The following MCM9 variants were observed in gnomAD, a reference collection of about 807,000 sequenced individuals.
The protein encoded by MCM9 is minichromosome maintenance 9 homologous recombination repair factor.
Under a neutral mutation model 72.8 loss-of-function variants are expected in MCM9, and 55 were observed. That is an observed-to-expected ratio of 0.76 (90% CI 0.61 to 0.95). The LOEUF (loss-of-function observed/expected upper bound fraction) is 0.95, where lower values mean the gene tolerates loss of function less well. Among genes scored for constraint, MCM9 ranks in the 40% least tolerant of loss-of-function variants. The pLI, the probability that MCM9 is intolerant of heterozygous loss-of-function variation, is 0.00. For synonymous variants in MCM9, 480 were observed against 503.4 expected (o/e 0.95, Z 0.62); for missense variants, 1,279 against 1,377.0 (o/e 0.93, Z 1.13).
At chr6:118,924,525 A>G (rs1781715668) in intron 3 of MCM9, among the ~76,000 whole-genome samples, 1 of 152,238 alleles carries the variant, frequency 6.6e-6, no homozygotes, top group Admixed American at 6.5e-5. Context: ...ACTGATGATT[A>G]TTTTAGTAAA....
chr6:118,856,643 C>A, intron 8 of MCM9, 98 bp from the exon 9 acceptor site: 1 of 1,291,528 alleles, frequency 7.7e-7, no homozygotes, highest in East Asian at 2.5e-5. Flanking sequence ...GTTTAGGAGG[C>A]TGAGGTGAGA....
intron 9 of MCM9, among the ~76,000 whole-genome samples, chr6:118,831,947 A>G (rs1774591022): frequency 6.6e-6 from 1 of 152,232 alleles, no homozygotes; most frequent in African/African-American, 2.4e-5. Context: ...CCAAGGTTAC[A>G]CTGAGAGGAG....
Position 118,854,334 on chromosome 6 carries a change from T to C in MCM9, c.1325+2037A>G, listed in dbSNP as rs149665261. Among the ~76,000 whole-genome samples the C allele has an allele frequency of 3.9e-3, 594 of 152,280 alleles. 7 individuals carry two copies. The highest frequency in any genetic ancestry group is 0.013 in the African/African-American group (548 of 41,558). On this transcript the variant is annotated intron_variant, in intron 9 of 13. Coordinates refer to ENST00000619706, the MANE Select transcript of MCM9 (RefSeq NM_017696.3). ...AAACACTGTCTTTCACCATGAAGTATGAGACGCAGGTGTTTTTTGTTGTTG... is the reference window on the plus strand; with the variant it reads ...AAACACTGTCTTTCACCATGAAGTACGAGACGCAGGTGTTTTTTGTTGTTG...
At chr6:118,927,686 T>A (rs1315449466) in intron 3 of MCM9, among the ~76,000 whole-genome samples, 1 of 152,156 alleles carries the variant, frequency 6.6e-6, no homozygotes, top group East Asian at 1.9e-4. Context: ...AAGTCTTACA[T>A]AATATAAACT....
chr6:118,895,159 A>G (rs918569665), intron 8 of MCM9, among the ~76,000 whole-genome samples: 12 of 151,880 alleles, frequency 7.9e-5, no homozygotes, highest in Non-Finnish European at 1.3e-4. Flanking sequence ...TTCCTCGACC[A>G]ACCAGCGGGG....
At chr6:118,871,054 C>A (rs746307486) in intron 8 of MCM9, among the ~76,000 whole-genome samples, 1 of 152,148 alleles carries the variant, frequency 6.6e-6, no homozygotes, top group Non-Finnish European at 1.5e-5. Flanking sequence ...TCCTACTCAA[C>A]TCTTCCAAAA....
At chr6:118,829,623 G>T (rs1358459098) in intron 9 of MCM9, among the ~76,000 whole-genome samples, 1 of 152,296 alleles carries the variant, frequency 6.6e-6, no homozygotes, top group African/African-American at 2.4e-5. Flanking sequence ...GTTCCCAGGG[G>T]AAATAGGGAT....
chr6:118,905,641 A>G, intron 8 of MCM9: 1 of 1,580,390 alleles, frequency 6.3e-7, no homozygotes, highest in Non-Finnish European at 8.6e-7. Context: ...TTTCTTTTTA[A>G]TTTATTCTAG....
At chr6:118,838,729 TTTTC>T (rs1562405093) in intron 9 of MCM9, among the ~76,000 whole-genome samples, 2 of 152,244 alleles carry the variant, frequency 1.3e-5, no homozygotes, top group African/African-American at 2.4e-5. Flanking sequence ...CCGAAAATTC[TTTTC>T]TTTAAGAATG....
intron 2 of MCM9, 82 bp from the exon 3 acceptor site, chr6:118,931,820 T>C: frequency 9.4e-7 from 1 of 1,059,046 alleles, no homozygotes; most frequent in East Asian, 2.6e-5. Flanking sequence ...TGGTTATAAA[T>C]CACACTGGCT....
chr6:118,828,976 C>T, intron 10 of MCM9, 72 bp downstream of exon 10: 1 of 1,431,584 alleles, frequency 7.0e-7, no homozygotes. Context: ...ATTTAATTTT[C>T]TTGAAAGGGA....
chr6:118,829,455 C>T (rs1774384170), intron 9 of MCM9, among the ~76,000 whole-genome samples: 1 of 152,134 alleles, frequency 6.6e-6, no homozygotes, highest in East Asian at 1.9e-4. Context: ...GAGAAGTAAC[C>T]GTTCAATAAA....
rs978685514 is a variant in MCM9 at position 118,827,909 on chromosome 6, T to A, written c.1732+18A>T. On this transcript the variant is annotated intron_variant, in intron 11 of 13. Coordinates refer to ENST00000619706, the MANE Select transcript of MCM9 (RefSeq NM_017696.3). ...ACGCAGCATTCAATACAAGCATCAT[T>A]CGCTGAATGAAATAGACCTTCTGCT... 6.5e-6 allele frequency: 10 copies of A among 1,550,018 alleles called. No homozygotes were observed. In the African/African-American group the frequency reaches 1.4e-4, roughly 21 times the overall value.
chr6:118,826,871 A>C lies in MCM9; in HGVS notation c.1733-7T>G. On this transcript the variant is annotated splice_polypyrimidine_tract_variant and splice_region_variant and intron_variant, in intron 11 of 13. Coordinates refer to ENST00000619706, the MANE Select transcript of MCM9 (RefSeq NM_017696.3). ...AACATCAGGCGAGCATGAGCTAAGA[A>C]AACAAAACACATTTGTTTTTTAGGA... 2 of 1,547,504 alleles carry C rather than the reference A, an allele frequency of 1.3e-6. No homozygotes were observed. Among genetic ancestry groups the C allele is most frequent in the Non-Finnish European group, 1.7e-6 (2 of 1,145,712 alleles).
At chr6:118,913,553 C>G in intron 6 of MCM9, 133 bp from the exon 7 acceptor site, 1 of 1,105,896 alleles carries the variant, frequency 9.0e-7, no homozygotes, top group Non-Finnish European at 1.3e-6. Flanking sequence ...AGGTCCAATT[C>G]CAAATGACCA....
At chr6:118,858,135 C>A (rs1344004092) in intron 8 of MCM9, among the ~76,000 whole-genome samples, 1 of 152,060 alleles carries the variant, frequency 6.6e-6, no homozygotes, top group East Asian at 1.9e-4. Flanking sequence ...TGAATCAAAT[C>A]CAACAATACA....
In MCM9 at chr6:118,911,676, G is replaced by A. The variant is rs1780560887; in HGVS notation, c.1124C>T (p.Thr375Ile). The A allele has an allele frequency of 6.2e-7, 1 of 1,612,940 alleles. No homozygotes were observed. Among genetic ancestry groups the A allele is most frequent in the African/African-American group, 1.3e-5 (1 of 74,838 alleles). The change falls in exon 8 of 14, where the codon ACC (threonine) becomes ATC (isoleucine). Residue 375 changes from threonine to isoleucine, a missense_variant. Transcript: ENST00000619706. ...AAKITPRSVL[T>I]TGIGSTSAGL... is the part of the protein sequence containing the mutation. Reference sequence around the variant, plus strand: ...TGCACTAGTAGATCCAATTCCTGTGGTCAGCACAGATCTTGGTGTAATCTT... The same window carrying A: ...TGCACTAGTAGATCCAATTCCTGTGATCAGCACAGATCTTGGTGTAATCTT...
At chr6:118,894,878 C>A (rs1178494688) in intron 8 of MCM9, among the ~76,000 whole-genome samples, 1 of 152,104 alleles carries the variant, frequency 6.6e-6, no homozygotes, top group Non-Finnish European at 1.5e-5. Flanking sequence ...CTCCGCGACC[C>A]TCCGGGCCCG....
chr6:118,919,871 C>T (rs1056076325), intron 5 of MCM9: 1 of 152,204 alleles, frequency 6.6e-6, no homozygotes, highest in Non-Finnish European at 1.5e-5. Flanking sequence ...CTTCATTACT[C>T]TGCATGTGCC....
Sources: gnomAD v4.1 joint callset for allele counts (sites outside exome capture counted in the v4.1 genomes callset) on GRCh38, gnomAD v4.1.1 for gene constraint, MANE v1.5 for transcripts, NCBI Gene and HGNC (gene_info 2026-07-23, HGNC 2026-07-21) for gene names.